Variants in FHIT observed in about 807,000 individuals in gnomAD.
The protein encoded by FHIT is fragile histidine triad diadenosine triphosphatase.
Under a neutral mutation model 17.9 loss-of-function variants are expected in FHIT, and 19 were observed. That is an observed-to-expected ratio of 1.06 (90% CI 0.74 to 1.56). FHIT has a LOEUF of 1.56. Among genes scored for constraint, FHIT ranks in the 40% most tolerant of loss-of-function variants. The pLI is 0.00. For synonymous variants in FHIT, 81 were observed against 69.7 expected, an observed-to-expected ratio of 1.16 and a Z score of -0.81; for missense variants, 248 against 189.2, an observed-to-expected ratio of 1.31 and a Z score of -1.82.
chr3:59,797,345 C>A (rs897951237), intron 8 of FHIT, among the ~76,000 whole-genome samples: 2 of 152,022 alleles, frequency 1.3e-5, no homozygotes, highest in African/African-American at 4.8e-5. Context: ...CACCACCATG[C>A]CTGGCTAATT....
intron 4 of FHIT, among the ~76,000 whole-genome samples, chr3:60,564,907 T>C (rs987115719): frequency 6.6e-6 from 1 of 152,152 alleles, no homozygotes; most frequent in Non-Finnish European, 1.5e-5. Flanking sequence ...AAATAAGTTC[T>C]ACTATGAGTA....
intron 5 of FHIT, among the ~76,000 whole-genome samples, chr3:60,252,517 T>C (rs1012950816): frequency 2.0e-5 from 3 of 152,046 alleles, no homozygotes; most frequent in Non-Finnish European, 4.4e-5. Flanking sequence ...TGCGGCATGA[T>C]CATGCTACTG....
intron 5 of FHIT, among the ~76,000 whole-genome samples, chr3:60,065,423 G>A (rs1576013530): frequency 6.6e-6 from 1 of 152,044 alleles, no homozygotes; most frequent in South Asian, 2.1e-4. Context: ...GAGGCATGGT[G>A]AGGGTTGAAT....
At chr3:60,696,742 T>C (rs1460968487) in intron 4 of FHIT, among the ~76,000 whole-genome samples, 2 of 152,186 alleles carry the variant, frequency 1.3e-5, no homozygotes, top group African/African-American at 2.4e-5. Context: ...TGAGCATTGA[T>C]ATCTACATGA....
At chr3:59,838,702 C>A (rs542691315) in intron 8 of FHIT, among the ~76,000 whole-genome samples, 54 of 152,280 alleles carry the variant, frequency 3.5e-4, no homozygotes, top group African/African-American at 1.3e-3. Context: ...GTCTCAGGTT[C>A]CTTATCTGAG....
At chr3:61,217,256 A>G (rs1194893249) in intron 1 of FHIT, among the ~76,000 whole-genome samples, 1 of 152,204 alleles carries the variant, frequency 6.6e-6, no homozygotes, top group African/African-American at 2.4e-5. Context: ...GTATGCTACA[A>G]AGCCTGAGGC....
chr3:60,191,186 A>G (rs996735718), intron 5 of FHIT, among the ~76,000 whole-genome samples: 1 of 152,220 alleles, frequency 6.6e-6, no homozygotes, highest in African/African-American at 2.4e-5. Flanking sequence ...ACAGTGGTGT[A>G]TACTATACAG....
chr3:59,803,989 A>C (rs1473314294), intron 8 of FHIT, among the ~76,000 whole-genome samples: 2 of 152,228 alleles, frequency 1.3e-5, no homozygotes, highest in Non-Finnish European at 2.9e-5. Flanking sequence ...CCAACATAAT[A>C]CTTGGGGCCT....
chr3:61,097,549 C>A (rs557905373), intron 2 of FHIT, among the ~76,000 whole-genome samples: 1 of 152,276 alleles, frequency 6.6e-6, no homozygotes, highest in South Asian at 2.1e-4. Context: ...AATGGTTGAA[C>A]TAATTTACAC....
At chr3:60,442,183 A>G (rs2030943603) in intron 5 of FHIT, among the ~76,000 whole-genome samples, 1 of 151,950 alleles carries the variant, frequency 6.6e-6, no homozygotes, top group Non-Finnish European at 1.5e-5. Flanking sequence ...AAGGAATGTC[A>G]TTCTCTTTTT....
chr3:60,048,168 TTCTC>T (rs1402243691), intron 5 of FHIT, among the ~76,000 whole-genome samples: 2 of 152,198 alleles, frequency 1.3e-5, no homozygotes, highest in South Asian at 2.1e-4. Context: ...TCATTTTAAG[TTCTC>T]TCTTTCTTTG....
At chr3:60,361,763 A>AT (rs1301955437) in intron 5 of FHIT, among the ~76,000 whole-genome samples, 2 of 152,196 alleles carry the variant, frequency 1.3e-5, no homozygotes, top group Admixed American at 6.5e-5. Flanking sequence ...TTGAAATAAA[A>AT]GTTCTTACCA....
At position 60,702,405 on chromosome 3, in the gene FHIT, G is replaced by A. The variant is rs569422891; in HGVS notation, c.-18+119514C>T. Among the ~76,000 whole-genome samples the A allele has an allele frequency of 4.7e-4, 71 of 151,842 alleles. 1 individual carries two copies. Among genetic ancestry groups the A allele is most frequent in the Middle Eastern group, 6.8e-3 (2 of 294 alleles). ...TTTTATAATAATAAAAACTATTAGG[G>A]AATATGAGTATGACTCTTTTGACAG... is the stretch of plus-strand genomic sequence containing the variant. On this transcript the variant is annotated intron_variant, in intron 4 of 9. Transcript: ENST00000492590.
chr3:60,171,054 A>T (rs1576245097), intron 5 of FHIT, among the ~76,000 whole-genome samples: 1 of 152,190 alleles, frequency 6.6e-6, no homozygotes, highest in East Asian at 1.9e-4. Context: ...GGAACTGATA[A>T]AATTAAACAT....
At chr3:60,947,897 C>T (rs1708706673) in intron 3 of FHIT, among the ~76,000 whole-genome samples, 1 of 152,168 alleles carries the variant, frequency 6.6e-6, no homozygotes, top group African/African-American at 2.4e-5. Context: ...TAAAGCATTT[C>T]TGGTTAGTTT....
intron 5 of FHIT, among the ~76,000 whole-genome samples, chr3:60,320,033 A>G (rs1176511890): frequency 6.6e-6 from 1 of 152,162 alleles, no homozygotes; most frequent in Non-Finnish European, 1.5e-5. Flanking sequence ...ATGACAACTT[A>G]TATCTTAATT....
intron 5 of FHIT, among the ~76,000 whole-genome samples, chr3:60,255,143 T>C (rs1434182571): frequency 3.3e-5 from 5 of 152,212 alleles, no homozygotes; most frequent in African/African-American, 7.2e-5. Context: ...TAAAGTGTCA[T>C]GAGAATTCTC....
intron 4 of FHIT, among the ~76,000 whole-genome samples, chr3:60,821,707 CAT>C (rs1295166627): frequency 6.6e-6 from 1 of 152,082 alleles, no homozygotes; most frequent in Non-Finnish European, 1.5e-5. Context: ...ATTTAACTGA[CAT>C]AATATTTATA....
intron 7 of FHIT, among the ~76,000 whole-genome samples, chr3:59,956,119 A>C (rs1255421555): frequency 6.6e-6 from 1 of 152,180 alleles, no homozygotes; most frequent in Non-Finnish European, 1.5e-5. Flanking sequence ...CGGAACAATC[A>C]TGCTTTTTGT....
Sources: gnomAD v4.1 joint callset for allele counts (sites outside exome capture counted in the v4.1 genomes callset) on GRCh38, gnomAD v4.1.1 for gene constraint, MANE v1.5 for transcripts, NCBI Gene and HGNC (gene_info 2026-07-23, HGNC 2026-07-21) for gene names.